Variants in ZDHHC24 observed in about 807,000 individuals in gnomAD.
The protein encoded by ZDHHC24 is probable palmitoyltransferase ZDHHC24.
A neutral mutation model predicts 23.2 loss-of-function variants in ZDHHC24; 17 were observed. The ratio of observed to expected loss-of-function variants is 0.73; its 90% CI spans 0.50 to 1.10. The LOEUF is 1.10. Ranked by LOEUF, ZDHHC24 falls within the 50% of genes least tolerant of loss-of-function variation. The pLI is 0.00. For missense variants in ZDHHC24, 366 were observed against 393.0 expected, an observed-to-expected ratio of 0.93 and a Z score of 0.58; for synonymous variants, 186 against 194.5, an observed-to-expected ratio of 0.96 and a Z score of 0.36.
At chr11:66,530,196 G>C (rs749317417) in intron 2 of ZDHHC24, among the ~76,000 whole-genome samples, 6 of 152,090 alleles carry the variant, frequency 3.9e-5, no homozygotes, top group Non-Finnish European at 7.4e-5. Flanking sequence ...ACACTCTCCA[G>C]CTCAGATAGG....
At position 66,538,780 on chromosome 11, in the gene ZDHHC24, C is replaced by T. The variant is rs1342979687; in HGVS notation, c.*749G>A. On this transcript the variant is annotated 3_prime_UTR_variant, in exon 3 of 3. Transcript: ENST00000310442. ...AGGCCAGAGAGGTGCAGGCCTAGCC[C>T]TGTCAGCACCACCCTCCACAGATGC... 2 of 152,254 alleles carry T rather than the reference C, an allele frequency of 1.3e-5. No homozygotes were observed. Among genetic ancestry groups the T allele is most frequent in the Non-Finnish European group, 2.9e-5 (2 of 68,080 alleles). 9.4% of individuals were successfully genotyped at this position (152,254 alleles called of 1,614,324 possible).
chr11:66,523,585 C>T, intron 4 of ZDHHC24: 1 of 1,614,094 alleles, frequency 6.2e-7, no homozygotes. Flanking sequence ...AGGTGCAGCC[C>T]CCAGCAAGCA....
At chr11:66,526,835 T>A (rs374846440) in intron 4 of ZDHHC24, 1 of 1,614,042 alleles carries the variant, frequency 6.2e-7, no homozygotes, top group Non-Finnish European at 8.5e-7. Context: ...TCCTTTCCCT[T>A]CTTCCTCCTC....
rs1390336228 is a variant in ZDHHC24 at position 66,546,029 on chromosome 11, C to A, written c.-26G>T. ...GGCCTGGACACCCAGCTGTCGGAGCCGGAGGACTAGGCCGCTTCCGTATTG... is the reference window on the plus strand; with the variant it reads ...GGCCTGGACACCCAGCTGTCGGAGCAGGAGGACTAGGCCGCTTCCGTATTG... On this transcript the variant is annotated 5_prime_UTR_variant, in exon 1 of 3. Coordinates refer to ENST00000310442, the MANE Select transcript of ZDHHC24 (RefSeq NM_207340.3). 7.3e-7 allele frequency: 1 copy of A among 1,375,694 alleles called. No homozygotes were observed. The highest frequency in any genetic ancestry group is 9.3e-7 in the Non-Finnish European group (1 of 1,073,514). The allele number at this position is 1,375,694 out of a possible 1,614,324, so 85.2% of individuals were successfully genotyped here.
chr11:66,534,476 C>T (rs1211779913), downstream of ZDHHC24, among the ~76,000 whole-genome samples: 1 of 110,578 alleles, frequency 9.0e-6, no homozygotes, highest in Non-Finnish European at 1.9e-5. Flanking sequence ...AAAAGCGAAA[C>T]TCTGTCTCAA....
intron 2 of ZDHHC24, among the ~76,000 whole-genome samples, chr11:66,541,800 G>A (rs1445576079): frequency 6.6e-6 from 1 of 152,050 alleles, no homozygotes; most frequent in Non-Finnish European, 1.5e-5. Context: ...AAAGGGTCCT[G>A]GAGTGTGTGG....
At chr11:66,531,957 G>C (rs754300140), downstream of ZDHHC24, 1 of 1,593,992 alleles carries the variant, frequency 6.3e-7, no homozygotes, top group South Asian at 1.1e-5. Flanking sequence ...ATAGGTGCTG[G>C]TGCTTCGAGA....
At chr11:66,522,907 A>T (rs1042835087) in intron 4 of ZDHHC24, 1 of 348,306 alleles carries the variant, frequency 2.9e-6, no homozygotes, top group Non-Finnish European at 5.6e-6. Context: ...TTGAAAGTTA[A>T]AAAGGAACCA....
rs1027195558 is a variant in ZDHHC24, at chr11:66,541,637, G to A, written c.560-1813C>T. On this transcript the variant is annotated intron_variant, in intron 2 of 2. Transcript: ENST00000310442. The stretch of plus-strand genomic sequence containing the variant: ...ACCTAGACAGGAGCACGGGGAAATC[G>A]GTTCTTGGGGATCAGATAAAAGATG... Among the ~76,000 whole-genome samples the A allele has an allele frequency of 2.0e-5, 3 of 152,064 alleles. No individual in the cohort carries two copies. The East Asian group carries it at 5.8e-4, about 29-fold the overall frequency.
chr11:66,543,402 C>G lies in ZDHHC24; in HGVS notation c.559+302G>C, dbSNP rs143506567. ...GCCTTTGTTCCTATTGCTTCTCTCACTTAGAAATGCTCCTAGAATGCACTT... is the reference window on the plus strand; with the variant it reads ...GCCTTTGTTCCTATTGCTTCTCTCAGTTAGAAATGCTCCTAGAATGCACTT... On this transcript the variant is annotated intron_variant, in intron 2 of 2. Transcript: ENST00000310442. Among the ~76,000 whole-genome samples the G allele has an allele frequency of 8.2e-4, 125 of 152,314 alleles. 1 individual carries two copies. Among genetic ancestry groups the G allele is most frequent in the African/African-American group, 3.0e-3 (123 of 41,564 alleles).
intron 4 of ZDHHC24, chr11:66,523,294 A>AC: frequency 1.0e-6 from 1 of 977,822 alleles, no homozygotes; most frequent in Non-Finnish European, 1.6e-6. Flanking sequence ...TTCCAAGGCC[A>AC]CACATTTACT....
At chr11:66,542,909 C>T (rs610293) in intron 2 of ZDHHC24, 56,158 of 152,194 alleles carry the variant, frequency 0.37, 11,709 homozygotes, top group African/African-American at 0.57. Context: ...GGCCGCTTCC[C>T]GAGGCCTCCC....
rs771558750 is a variant in ZDHHC24, at chr11:66,527,013, G to A, written c.737-7C>T. 100 of 1,536,666 alleles carry A rather than the reference G, an allele frequency of 6.5e-5. 2 individuals are homozygous for A. Among genetic ancestry groups the A allele is most frequent in the Admixed American group, 1.2e-4 (6 of 51,012 alleles). On this transcript the variant is annotated splice_polypyrimidine_tract_variant and splice_region_variant and intron_variant, in intron 3 of 4. Coordinates refer to the ZDHHC24 transcript ENST00000526986. ...TTCCTCAGGCTGGAAGGTGCTGTGG[G>A]TGACAGCAAGAGCCCTTAGAATTCA...
chr11:66,529,863 C>G, intron 2 of ZDHHC24: 1 of 1,610,612 alleles, frequency 6.2e-7, no homozygotes, highest in Non-Finnish European at 8.5e-7. Context: ...GCTGCGCCTA[C>G]GTGCTGCCCG....
intron 2 of ZDHHC24, chr11:66,529,993 A>G (rs1436216612): frequency 6.3e-7 from 1 of 1,576,814 alleles, no homozygotes; most frequent in Non-Finnish European, 8.6e-7. Flanking sequence ...CCAGAGGGGC[A>G]GAGGCCAGGA....
chr11:66,532,160 A>G, downstream of ZDHHC24: 1 of 1,061,420 alleles, frequency 9.4e-7, no homozygotes, highest in Non-Finnish European at 1.4e-6. Flanking sequence ...CCCTCTCTTA[A>G]GCACCCGCTT....
intron 3 of ZDHHC24, chr11:66,528,928 AT>A (rs1165962031): frequency 2.9e-6 from 1 of 340,600 alleles, no homozygotes; most frequent in Non-Finnish European, 4.0e-6. Flanking sequence ...AGATCACGCC[AT>A]TGCACTCCAG....
At chr11:66,531,739 C>T (rs2134841325), downstream of ZDHHC24, 1 of 1,614,024 alleles carries the variant, frequency 6.2e-7, no homozygotes, top group Non-Finnish European at 8.5e-7. Flanking sequence ...CAGACATCAT[C>T]AAGGTAGGCC....
Position 66,529,270 on chromosome 11 carries a change from T to C in ZDHHC24, c.736+42A>G, listed in dbSNP as rs1480453299. 3 of 1,532,040 alleles carry C rather than the reference T, an allele frequency of 2.0e-6. No individual in the cohort carries two copies. In the African/African-American group the frequency reaches 4.1e-5, roughly 21 times the overall value. The allele number at this position is 1,532,040 out of a possible 1,614,324, so 94.9% of individuals were successfully genotyped here. On this transcript the variant is annotated intron_variant, in intron 3 of 4. Coordinates refer to the ZDHHC24 transcript ENST00000526986. ...AACGGTGAGATGTGAGGGGTGGACC[T>C]AGGTGACTTGATGGACAGGGAGGCA...
Sources: gnomAD v4.1 joint callset for allele counts (sites outside exome capture counted in the v4.1 genomes callset) on GRCh38, gnomAD v4.1.1 for gene constraint, MANE v1.5 for transcripts, NCBI Gene and HGNC (gene_info 2026-07-23, HGNC 2026-07-21) for gene names.